Variants in BRD4 observed in about 807,000 individuals in gnomAD.
The protein encoded by BRD4 is bromodomain containing 4, also known as bromodomain-containing protein 4.
A neutral mutation model predicts 142.1 loss-of-function variants in BRD4; 16 were observed. That is an observed-to-expected ratio of 0.11 (90% confidence interval 0.08 to 0.17). BRD4 has a LOEUF of 0.17. Ranked by LOEUF, BRD4 falls within the 10% of genes least tolerant of loss-of-function variation. The pLI, the probability that BRD4 is intolerant of heterozygous loss-of-function variation, is 1.00. For synonymous variants in BRD4, 833 were observed against 707.5 expected (o/e 1.18, Z -2.82); for missense variants, 1,424 against 1,810.9 (o/e 0.79, Z 3.88).
chr19:15,273,356 G>A (rs912515924), intron 1 of BRD4, among the ~76,000 whole-genome samples: 1 of 152,170 alleles, frequency 6.6e-6, no homozygotes, highest in African/African-American at 2.4e-5. Flanking sequence ...ACCAACAGAG[G>A]AGGCAGAGTG....
intron 1 of BRD4, among the ~76,000 whole-genome samples, chr19:15,310,213 C>CTTTTT (rs34519343): frequency 1.2e-4 from 15 of 122,408 alleles, no homozygotes; most frequent in South Asian, 5.4e-4. Flanking sequence ...TTAAACAGTC[C>CTTTTT]TTTTTTTTTT....
At position 15,244,384 on chromosome 19, in the gene BRD4, G is replaced by A. The variant is rs2145516021; in HGVS notation, c.2428C>T (p.Pro810Ser). Residue 810 changes from proline to serine, a missense_variant, in exon 13 of 20, where the codon CCC (proline) becomes TCC (serine). Pro to Ser is a moderately conservative substitution (Grantham distance 74). This residue lies in a region of BRD4 where 598 missense variants were observed against 647.8 expected (regional missense o/e 0.92). Transcript: ENST00000679869. ...FIATQVPVLE[P>S]QLPGSVFDPI... ...TCAAAGACGCTGCCTGGGAGCTGGGGCTCCAGGACGGGCACCTGGGTGGCA... is the reference window on the plus strand; with the variant it reads ...TCAAAGACGCTGCCTGGGAGCTGGGACTCCAGGACGGGCACCTGGGTGGCA... 1.2e-6 allele frequency: 2 copies of A among 1,604,122 alleles called. No individual in the cohort carries two copies. The highest frequency in any genetic ancestry group is 1.8e-4 in the Middle Eastern group (1 of 5,540).
chr19:15,243,730 G>T (rs1032676057), intron 13 of BRD4, among the ~76,000 whole-genome samples: 1 of 152,130 alleles, frequency 6.6e-6, no homozygotes, highest in Non-Finnish European at 1.5e-5. Context: ...TGCTCCCCAT[G>T]CTCACAATGG....
In BRD4 at chr19:15,242,983, G is replaced by T; in HGVS notation, c.3086C>A (p.Pro1029His). 3.2e-6 allele frequency: 5 copies of T among 1,582,218 alleles called. No homozygotes were observed. The highest frequency in any genetic ancestry group is 4.3e-6 in the Non-Finnish European group (5 of 1,166,216). The stretch of plus-strand genomic sequence containing the variant: ...CTGAGGCTTGGCAGGCTGCGGCGGG[G>T]GTGGCTGCTGGCCTGGGGGCGGATG... ...PPHPPPGQQP[P>H]PPQPAKPQQV... The change falls in exon 14 of 20, where the codon CCC (proline) becomes CAC (histidine). Residue 1029 changes from proline to histidine, a missense_variant. Pro to His is a moderately conservative substitution (Grantham distance 77, BLOSUM62 -2). Transcript: ENST00000679869.
chr19:15,303,164 C>T (rs541158051), intron 1 of BRD4, among the ~76,000 whole-genome samples: 1 of 152,236 alleles, frequency 6.6e-6, no homozygotes, highest in African/African-American at 2.4e-5. Flanking sequence ...ACTACCCCTG[C>T]ATTCACATCA....
chr19:15,269,941 G>A (rs2047569705), intron 2 of BRD4, among the ~76,000 whole-genome samples: 1 of 152,200 alleles, frequency 6.6e-6, no homozygotes, highest in East Asian at 1.9e-4. Flanking sequence ...GCAGTGCCTG[G>A]GTTTCCAGGT....
intron 14 of BRD4, among the ~76,000 whole-genome samples, chr19:15,241,201 G>C (rs571128362): frequency 6.6e-6 from 1 of 152,232 alleles, no homozygotes; most frequent in African/African-American, 2.4e-5. Flanking sequence ...ACCACTTTGG[G>C]CACTGCCAAT....
At position 15,289,949 on chromosome 19, in the gene BRD4, G is replaced by A. The variant is rs1399402017; in HGVS notation, c.-34-16816C>T. ...CTCAAGTGAGGGAAGGCTTTCCAAC[G>A]AAGCAGCCTGAAGGGCAAGGAGTAA... is the stretch of plus-strand genomic sequence containing the variant. On this transcript the variant is annotated intron_variant, in intron 1 of 19. Transcript: ENST00000679869. Among the ~76,000 whole-genome samples the A allele has an allele frequency of 2.0e-5, 3 of 152,218 alleles. No homozygotes were observed. In the East Asian group the frequency reaches 5.8e-4, roughly 29 times the overall value.
intron 1 of BRD4, among the ~76,000 whole-genome samples, chr19:15,324,619 G>C (rs965662298): frequency 6.6e-6 from 1 of 152,350 alleles, no homozygotes; most frequent in South Asian, 2.1e-4. Flanking sequence ...ATGGAGGCCA[G>C]AAAGGTATGG....
intron 1 of BRD4, among the ~76,000 whole-genome samples, chr19:15,314,929 A>C (rs1444560737): frequency 6.6e-6 from 1 of 152,218 alleles, no homozygotes; most frequent in Admixed American, 6.5e-5. Flanking sequence ...CTGGAAGAAG[A>C]ATCAAATGAA....
In BRD4 at chr19:15,242,917, G is replaced by A. The variant is rs202165230; in HGVS notation, c.3152C>T (p.Ser1051Leu). The A allele has an allele frequency of 4.4e-6, 7 of 1,606,362 alleles. No homozygotes were observed. Among genetic ancestry groups the A allele is most frequent in the Non-Finnish European group, 5.9e-6 (7 of 1,177,424 alleles). The change falls in exon 14 of 20, where the codon TCG becomes TTG. Residue 1051 changes from serine to leucine, a missense_variant. Physicochemically the swap from Ser to Leu is moderately radical, Grantham distance 145 (BLOSUM62 -2). Coordinates refer to ENST00000679869, the MANE Select transcript of BRD4 (RefSeq NM_001379291.1). ...CCACTTACCGGTTGAGTAGGGGTCC[G>A]ACTTGTGGTGCCGGGGTGAATGGTG... Reference protein sequence around the residue: ...QHHHSPRHHKSDPYSTGHLRE... With the variant: ...QHHHSPRHHKLDPYSTGHLRE...
intron 1 of BRD4, among the ~76,000 whole-genome samples, chr19:15,330,025 C>G (rs193208777): frequency 6.6e-6 from 1 of 152,216 alleles, no homozygotes; most frequent in African/African-American, 2.4e-5. Context: ...TCCAGACTAG[C>G]GAAGCTAGGC....
intron 1 of BRD4, among the ~76,000 whole-genome samples, chr19:15,328,272 T>A (rs1170388758): frequency 6.6e-6 from 1 of 152,142 alleles, no homozygotes; most frequent in Non-Finnish European, 1.5e-5. Flanking sequence ...AAAAATGTGT[T>A]CAATGTTTAA....
At chr19:15,314,499 C>T (rs2047999972) in intron 1 of BRD4, among the ~76,000 whole-genome samples, 1 of 152,144 alleles carries the variant, frequency 6.6e-6, no homozygotes. Context: ...ACTCTTATTT[C>T]CGACGTCCTA....
At chr19:15,261,390 G>C (rs1356307297) in intron 7 of BRD4, among the ~76,000 whole-genome samples, 1 of 152,106 alleles carries the variant, frequency 6.6e-6, no homozygotes, top group Non-Finnish European at 1.5e-5. Context: ...GGCTGAGGCA[G>C]GAGAACTGCT....
intron 3 of BRD4, among the ~76,000 whole-genome samples, chr19:15,268,465 C>G (rs773428738): frequency 4.1e-4 from 61 of 147,052 alleles, no homozygotes; most frequent in Non-Finnish European, 8.4e-4. Context: ...AGCTCTGCGC[C>G]GGCCCCATCA....
rs1199802613 is a variant in BRD4 at position 15,268,549 on chromosome 19, C to A, written c.423+356G>T. 2.0e-5 allele frequency among the ~76,000 whole-genome samples: 3 copies of A among 152,176 alleles called. No homozygotes were observed. The East Asian group carries it at 5.8e-4, about 29-fold the overall frequency. ...TACATTTTAGCAGGCTCTTTCCTAACAATTTACATCACCCAAATGGACTTT... is the reference window on the plus strand; with the variant it reads ...TACATTTTAGCAGGCTCTTTCCTAAAAATTTACATCACCCAAATGGACTTT... On this transcript the variant is annotated intron_variant, in intron 3 of 19. Transcript: ENST00000679869.
intron 1 of BRD4, among the ~76,000 whole-genome samples, chr19:15,321,743 G>A (rs1297372562): frequency 6.6e-6 from 1 of 152,106 alleles, no homozygotes; most frequent in Non-Finnish European, 1.5e-5. Context: ...AAAGTTAGGA[G>A]AATAACATCT....
chr19:15,307,555 G>A (rs1031703554), intron 1 of BRD4, among the ~76,000 whole-genome samples: 22 of 152,178 alleles, frequency 1.4e-4, no homozygotes, highest in African/African-American at 5.1e-4. Flanking sequence ...CAGAGGTACA[G>A]AGATCTTTAA....
Sources: gnomAD v4.1 joint callset for allele counts (sites outside exome capture counted in the v4.1 genomes callset) on GRCh38, gnomAD v4.1.1 for gene constraint, gnomAD v4.1.1 regional missense constraint, MANE v1.5 for transcripts, NCBI Gene and HGNC (gene_info 2026-07-23, HGNC 2026-07-21) for gene names.